Variants in EPHA5 observed in about 807,000 individuals in gnomAD.
The protein encoded by EPHA5 is EPH receptor A5.
In EPHA5, 60 loss-of-function variants were observed where a neutral mutation model predicts 105.0. The ratio of observed to expected loss-of-function variants is 0.57; its 90% CI spans 0.46 to 0.71. The LOEUF is 0.71. Ranked by LOEUF, EPHA5 falls within the 30% of genes least tolerant of loss-of-function variation. The probability of loss-of-function intolerance (pLI) is 0.00; values close to 1 mark genes in which losing one functional copy is unlikely to be tolerated. For missense variants in EPHA5, 1,218 were observed against 1,274.7 expected, an observed-to-expected ratio of 0.96 and a Z score of 0.68; for synonymous variants, 513 against 449.1, an observed-to-expected ratio of 1.14 and a Z score of -1.80.
At chr4:65,521,350 A>G (rs1171453707) in intron 3 of EPHA5, among the ~76,000 whole-genome samples, 1 of 152,064 alleles carries the variant, frequency 6.6e-6, no homozygotes, top group African/African-American at 2.4e-5. Context: ...CAGGAAGGGG[A>G]ACATCACACA....
At position 65,321,449 on chromosome 4, in the gene EPHA5, C is replaced by A. The variant is rs751613369; in HGVS notation, c.*2665G>T. On this transcript the variant is annotated 3_prime_UTR_variant, in exon 17 of 17. Coordinates refer to ENST00000613740, the MANE Select transcript of EPHA5 (RefSeq NM_001281766.3). The stretch of plus-strand genomic sequence containing the variant: ...GGCATTTTCCAATTGGTGACATATA[C>A]AATAGGAAACAAATATTTTAGGAAG... 1.7e-5 allele frequency: 4 copies of A among 229,936 alleles called. No individual in the cohort carries two copies. Among genetic ancestry groups the A allele is most frequent in the Non-Finnish European group, 3.5e-5 (4 of 115,902 alleles). 14.2% of individuals were successfully genotyped at this position (229,936 alleles called of 1,614,324 possible). A position where few individuals can be genotyped will look rare whatever the true frequency, so the allele number is the denominator to read the frequency against.
chr4:65,398,841 C>A (rs1162107445), intron 8 of EPHA5, among the ~76,000 whole-genome samples: 1 of 152,146 alleles, frequency 6.6e-6, no homozygotes, highest in Non-Finnish European at 1.5e-5. Context: ...AAGGAGCTAC[C>A]CACTTTGGGT....
At chr4:65,403,814 A>G (rs1722090501) in intron 8 of EPHA5, among the ~76,000 whole-genome samples, 1 of 152,136 alleles carries the variant, frequency 6.6e-6, no homozygotes, top group South Asian at 2.1e-4. Flanking sequence ...ACTTCAAATC[A>G]GTATATATCA....
intron 3 of EPHA5, among the ~76,000 whole-genome samples, chr4:65,502,413 A>C (rs1560615021): frequency 6.8e-6 from 1 of 147,364 alleles, no homozygotes; most frequent in African/African-American, 2.4e-5. Flanking sequence ...AAGCAAAAAA[A>C]AAATATATAG....
At chr4:65,485,301 T>A (rs988122728) in intron 5 of EPHA5, among the ~76,000 whole-genome samples, 2 of 152,098 alleles carry the variant, frequency 1.3e-5, no homozygotes, top group Non-Finnish European at 2.9e-5. Context: ...ACTATTTCTT[T>A]ACATTATGTA....
chr4:65,333,547 G>C (rs1577835748), intron 15 of EPHA5, among the ~76,000 whole-genome samples: 1 of 16,384 alleles, frequency 6.1e-5, no homozygotes, highest in South Asian at 3.2e-3. Context: ...GTCTGTGTGT[G>C]TGTGTGTGTG....
intron 11 of EPHA5, 96 bp from the exon 12 acceptor site, chr4:65,353,199 GTA>G (rs139336386): frequency 0.011 from 2,485 of 227,810 alleles, 29 homozygotes; most frequent in African/African-American, 0.033. Flanking sequence ...TGTCAAAATT[GTA>G]TATATATATA....
intron 2 of EPHA5, among the ~76,000 whole-genome samples, chr4:65,625,801 T>C (rs1030247453): frequency 2.6e-5 from 4 of 152,232 alleles, no homozygotes; most frequent in Non-Finnish European, 5.9e-5. Flanking sequence ...GCTTTTGCAG[T>C]AATTTTAACA....
At chr4:65,595,882 C>A (rs1167645322) in intron 3 of EPHA5, among the ~76,000 whole-genome samples, 1 of 152,130 alleles carries the variant, frequency 6.6e-6, no homozygotes, top group African/African-American at 2.4e-5. Context: ...CAATATCTCA[C>A]AAGATTTTTA....
At chr4:65,491,434 A>T (rs1016864409) in intron 4 of EPHA5, among the ~76,000 whole-genome samples, 1 of 152,136 alleles carries the variant, frequency 6.6e-6, no homozygotes, top group East Asian at 1.9e-4. Flanking sequence ...GGACTACAAT[A>T]GGATGAATAA....
intron 3 of EPHA5, among the ~76,000 whole-genome samples, chr4:65,554,838 G>A (rs527696424): frequency 1.3e-5 from 2 of 151,562 alleles, no homozygotes; most frequent in East Asian, 3.9e-4. Flanking sequence ...GTATATACTT[G>A]AGAGATAAAC....
At chr4:65,635,817 A>G (rs907193231) in intron 2 of EPHA5, among the ~76,000 whole-genome samples, 2 of 152,180 alleles carry the variant, frequency 1.3e-5, no homozygotes, top group Admixed American at 1.3e-4. Context: ...ATGTAATTAG[A>G]AGGAAGCAAA....
intron 3 of EPHA5, among the ~76,000 whole-genome samples, chr4:65,522,316 G>GTATATATATATATATATACATATA (rs58851174): frequency 2.8e-5 from 4 of 142,860 alleles, no homozygotes; most frequent in African/African-American, 1.1e-4. Context: ...ATATATATAT[G>GTATATATATATATATATACATATA]TATATATATA....
chr4:65,456,292 T>C (rs1727575999), intron 5 of EPHA5, among the ~76,000 whole-genome samples: 1 of 152,022 alleles, frequency 6.6e-6, no homozygotes, highest in Non-Finnish European at 1.5e-5. Context: ...TGCAGTTTTA[T>C]TTCTGAACCC....
intron 7 of EPHA5, among the ~76,000 whole-genome samples, chr4:65,406,867 CA>C (rs1293864005): frequency 6.6e-6 from 1 of 151,836 alleles, no homozygotes; most frequent in Non-Finnish European, 1.5e-5. Context: ...ATTAATCAAA[CA>C]AAAAAATCAA....
chr4:65,606,469 G>C (rs1057321577), intron 2 of EPHA5, among the ~76,000 whole-genome samples: 2 of 152,080 alleles, frequency 1.3e-5, no homozygotes, highest in African/African-American at 2.4e-5. Flanking sequence ...AATTTTATAA[G>C]AGCAAATTAG....
intron 14 of EPHA5, among the ~76,000 whole-genome samples, chr4:65,344,163 T>C (rs1721998791): frequency 6.6e-6 from 1 of 152,152 alleles, no homozygotes; most frequent in Non-Finnish European, 1.5e-5. Context: ...ACTTTGATTA[T>C]GGGATTGGCC....
At chr4:65,376,519 T>C (rs1313117710) in intron 8 of EPHA5, among the ~76,000 whole-genome samples, 2 of 152,044 alleles carry the variant, frequency 1.3e-5, no homozygotes, top group Non-Finnish European at 2.9e-5. Context: ...AGGTAAACCA[T>C]TTGAAATTAC....
chr4:65,407,555 C>T (rs986041473), intron 7 of EPHA5, among the ~76,000 whole-genome samples: 4 of 151,824 alleles, frequency 2.6e-5, no homozygotes, highest in Non-Finnish European at 5.9e-5. Flanking sequence ...AACATCAAAT[C>T]GCAAACATTA....
Sources: gnomAD v4.1 joint callset for allele counts (sites outside exome capture counted in the v4.1 genomes callset) on GRCh38, gnomAD v4.1.1 for gene constraint, MANE v1.5 for transcripts, NCBI Gene and HGNC (gene_info 2026-07-23, HGNC 2026-07-21) for gene names.